The following GAP43 variants were observed in gnomAD, a reference collection of about 807,000 sequenced individuals.
GAP43 encodes the protein growth associated protein 43, also known as neuromodulin.
A neutral mutation model predicts 18.6 loss-of-function variants in GAP43; 6 were observed. That is an observed-to-expected ratio of 0.32 (90% CI 0.18 to 0.64). The LOEUF (loss-of-function observed/expected upper bound fraction) is 0.64, where lower values mean the gene tolerates loss of function less well. GAP43 is among the 30% of genes least tolerant of loss of function. The pLI is 0.78. For synonymous variants in GAP43, 115 were observed against 111.4 expected (o/e 1.03, Z -0.20); for missense variants, 292 against 295.5 (o/e 0.99, Z 0.09).
In GAP43 at chr3:115,672,757, T is replaced by TCCTCTCCTCTCCTCC. The variant is rs1553722601; in HGVS notation, c.31-3243_31-3242insCCCCTCTCCTCTCCT. On this transcript the variant is annotated intron_variant, in intron 1 of 2. Coordinates refer to ENST00000305124, the MANE Select transcript of GAP43 (RefSeq NM_002045.4). ...CCCTCTCCTCTCCTCTCCTCTCCTC[T>TCCTCTCCTCTCCTCC]CCTCTCCTCTCCTTTCCTTTCCTTT... Among the ~76,000 whole-genome samples the TCCTCTCCTCTCCTCC allele has an allele frequency of 2.0e-5, 3 of 149,772 alleles. No homozygotes were observed. In the Admixed American group the frequency reaches 2.0e-4, roughly 10 times the overall value.
At chr3:115,633,706 T>C (rs1197427675) in intron 1 of GAP43, among the ~76,000 whole-genome samples, 1 of 152,034 alleles carries the variant, frequency 6.6e-6, no homozygotes, top group African/African-American at 2.4e-5. Flanking sequence ...AGACACTGGG[T>C]TTTCACCATC....
At chr3:115,685,268 T>C (rs1308635049) in intron 2 of GAP43, among the ~76,000 whole-genome samples, 1 of 152,214 alleles carries the variant, frequency 6.6e-6, no homozygotes, top group Admixed American at 6.5e-5. Context: ...GGCTGCTCCC[T>C]ACTGAAAGCA....
chr3:115,631,268 GGGTTCTAGACCT>G (rs1186281857), intron 1 of GAP43, among the ~76,000 whole-genome samples: 1 of 152,092 alleles, frequency 6.6e-6, no homozygotes, highest in Admixed American at 6.6e-5. Flanking sequence ...TCCTTTCCCT[GGGTTCTAGACCT>G]GGTTCTGCCA....
At chr3:115,682,307 A>T (rs1223701075) in intron 2 of GAP43, among the ~76,000 whole-genome samples, 1 of 152,232 alleles carries the variant, frequency 6.6e-6, no homozygotes, top group African/African-American at 2.4e-5. Context: ...TACATCAGTT[A>T]TGCCAGGAGG....
chr3:115,687,636 G>T (rs191558732), intron 2 of GAP43, among the ~76,000 whole-genome samples: 2 of 152,266 alleles, frequency 1.3e-5, no homozygotes, highest in Admixed American at 1.3e-4. Context: ...GGGAATTGCG[G>T]TTGTTTTGCA....
intron 2 of GAP43, among the ~76,000 whole-genome samples, chr3:115,716,559 T>C (rs985810560): frequency 2.0e-5 from 3 of 151,332 alleles, no homozygotes; most frequent in Admixed American, 6.6e-5. Flanking sequence ...TTTATTTTCC[T>C]CTCCATAATT....
At position 115,676,046 on chromosome 3, in the gene GAP43, C is replaced by A; in HGVS notation, c.64C>A (p.Gln22Lys). 1 of 1,610,986 alleles carries A rather than the reference C, an allele frequency of 6.2e-7. No homozygotes were observed. The highest frequency in any genetic ancestry group is 8.5e-7 in the Non-Finnish European group (1 of 1,179,180). ...AAATGATGACGACCAAAAGATTGAACAAGATGGTATCAAACCAGAAGATAA... is the reference window on the plus strand; with the variant it reads ...AAATGATGACGACCAAAAGATTGAAAAAGATGGTATCAAACCAGAAGATAA... ...EKNDDDQKIE[Q>K]DGIKPEDKAH... Residue 22 changes from glutamine to lysine, a missense_variant, in exon 2 of 3, where the codon CAA becomes AAA. Coordinates refer to ENST00000305124, the MANE Select transcript of GAP43 (RefSeq NM_002045.4).
intron 1 of GAP43, among the ~76,000 whole-genome samples, chr3:115,659,997 A>C (rs1008338723): frequency 6.6e-6 from 1 of 152,186 alleles, no homozygotes; most frequent in Admixed American, 6.5e-5. Context: ...TTTCTTTAGA[A>C]TCTTTCACTT....
At chr3:115,683,354 A>C (rs1375355251) in intron 2 of GAP43, among the ~76,000 whole-genome samples, 1 of 152,206 alleles carries the variant, frequency 6.6e-6, no homozygotes, top group East Asian at 1.9e-4. Flanking sequence ...AGGGGCAAAG[A>C]ATCTAGAAGA....
intron 1 of GAP43, among the ~76,000 whole-genome samples, chr3:115,668,686 A>G (rs1708764628): frequency 6.6e-6 from 1 of 152,094 alleles, no homozygotes; most frequent in Non-Finnish European, 1.5e-5. Context: ...AGCCTCACAA[A>G]GTGCTGAGAT....
At position 115,639,376 on chromosome 3, in the gene GAP43, C is replaced by T. The variant is rs574891557; in HGVS notation, c.30+15657C>T. ...TATCTGGGCTAAGGATGAGTACTCA[C>T]TGTAAAATATACAGCTATATCATTT... On this transcript the variant is annotated intron_variant, in intron 1 of 2. Coordinates refer to ENST00000305124, the MANE Select transcript of GAP43 (RefSeq NM_002045.4). 6.8e-4 allele frequency among the ~76,000 whole-genome samples: 104 copies of T among 152,202 alleles called. 4 individuals carry two copies. The South Asian group carries it at 0.021, about 31-fold the overall frequency.
rs771089182 is a variant in GAP43 at position 115,720,798 on chromosome 3, T to C, written c.633T>C (p.Ala211=). 14 of 1,611,758 alleles carry C rather than the reference T, an allele frequency of 8.7e-6. No homozygotes were observed. In the East Asian group the frequency reaches 2.0e-4, roughly 23 times the overall value. ...ESSQAEENIE[A]VDETKPKESA... Reference sequence around the variant, plus strand: ...CTATCTTGTTTTCTTTCTCAGAAGCTGTAGATGAAACCAAACCTAAGGAAA... The same window carrying C: ...CTATCTTGTTTTCTTTCTCAGAAGCCGTAGATGAAACCAAACCTAAGGAAA... The change falls in exon 3 of 3, where the codon GCT becomes GCC. Residue 211 remains alanine (A), a synonymous_variant. Transcript: ENST00000305124.
At chr3:115,657,101 A>G (rs1171516024) in intron 1 of GAP43, among the ~76,000 whole-genome samples, 1 of 152,222 alleles carries the variant, frequency 6.6e-6, no homozygotes, top group African/African-American at 2.4e-5. Context: ...GTCTCAAGAT[A>G]AATGAAAGGA....
At chr3:115,667,156 G>A (rs947589277) in intron 1 of GAP43, among the ~76,000 whole-genome samples, 2 of 152,090 alleles carry the variant, frequency 1.3e-5, no homozygotes, top group South Asian at 4.1e-4. Context: ...CTATGTGCCA[G>A]CACTATTTTA....
intron 2 of GAP43, among the ~76,000 whole-genome samples, chr3:115,716,582 A>G (rs1014760361): frequency 1.3e-5 from 2 of 151,498 alleles, no homozygotes; most frequent in African/African-American, 2.4e-5. Flanking sequence ...TTGGTGGCCT[A>G]TAAAACTTTC....
intron 1 of GAP43, among the ~76,000 whole-genome samples, chr3:115,653,519 T>C (rs993718793): frequency 5.3e-5 from 8 of 152,190 alleles, no homozygotes; most frequent in African/African-American, 1.9e-4. Flanking sequence ...AAGAATGGTG[T>C]CTGCCCCTAC....
intron 1 of GAP43, among the ~76,000 whole-genome samples, chr3:115,642,343 C>A (rs1392397389): frequency 6.6e-6 from 1 of 151,458 alleles, no homozygotes; most frequent in Non-Finnish European, 1.5e-5. Context: ...TTTATTCATT[C>A]AAAAAACATT....
chr3:115,717,381 C>A (rs1709521833), intron 2 of GAP43, among the ~76,000 whole-genome samples: 1 of 151,040 alleles, frequency 6.6e-6, no homozygotes, highest in Non-Finnish European at 1.5e-5. Context: ...AGGATCTCTG[C>A]TCACTGTAAC....
At chr3:115,697,563 C>T (rs1248086236) in intron 2 of GAP43, among the ~76,000 whole-genome samples, 1 of 152,198 alleles carries the variant, frequency 6.6e-6, no homozygotes, top group Non-Finnish European at 1.5e-5. Flanking sequence ...CTCACTGCTT[C>T]ACAAGCCCTC....
Sources: allele counts gnomAD v4.1 joint callset (sites outside exome capture counted in the v4.1 genomes callset), GRCh38; gene constraint gnomAD v4.1.1; transcripts MANE v1.5; gene names NCBI Gene and HGNC (gene_info 2026-07-23, HGNC 2026-07-21).